SERPINB9: variants seen among roughly 807,000 people sequenced by gnomAD.
SERPINB9 encodes serpin B9.
In SERPINB9, 20 loss-of-function variants were observed where a neutral mutation model predicts 27.2. The observed-to-expected ratio is 0.74, with a 90% CI of 0.52 to 1.07. The LOEUF is 1.07. Ranked by LOEUF, SERPINB9 falls within the 50% of genes least tolerant of loss-of-function variation. The pLI is 0.00. For synonymous variants in SERPINB9, 189 were observed against 180.0 expected, an observed-to-expected ratio of 1.05 and a Z score of -0.40; for missense variants, 476 against 460.1, an observed-to-expected ratio of 1.03 and a Z score of -0.32.
Position 2,891,844 on chromosome 6 carries a change from C to A in SERPINB9, c.712G>T (p.Glu238Ter). The A allele has an allele frequency of 6.2e-7, 1 of 1,605,574 alleles. No homozygotes were observed. The highest frequency in any genetic ancestry group is 1.1e-5 in the South Asian group (1 of 90,992). The change falls in exon 6 of 7, where the codon GAG (glutamate) becomes TAG (stop). Residue 238 changes from glutamate to a stop codon, truncating the protein, a stop_gained. Transcript: ENST00000380698. LOFTEE classifies it low-confidence loss of function (END_TRUNC). This position sits in a 1 kb window ranked among gnomAD's most constrained non-coding sequence, Gnocchi z 4.0. ...LLVLLPDDGV[E>*]LSTVEKSLTF... ...AGCCCGGGTCTTACCGTGCTGAGCTCCACGCCGTCGTCAGGCAGCAGCACC... is the reference window on the plus strand; with the variant it reads ...AGCCCGGGTCTTACCGTGCTGAGCTACACGCCGTCGTCAGGCAGCAGCACC...
chr6:2,891,185 AG>A lies in SERPINB9; in HGVS notation c.724-616del, dbSNP rs1399895041. Among the ~76,000 whole-genome samples, 1 of 152,172 alleles carries A rather than the reference AG, an allele frequency of 6.6e-6. No individual in the cohort carries two copies. Among genetic ancestry groups the A allele is most frequent in the Non-Finnish European group, 1.5e-5 (1 of 68,018 alleles). On this transcript the variant is annotated intron_variant, in intron 6 of 6. Transcript: ENST00000380698. This position sits in a 1 kb window ranked among gnomAD's most constrained non-coding sequence, Gnocchi z 4.0. Reference sequence around the variant, plus strand: ...GCCATGGTTGACTCTCTCACCCTGGAGATCCATGCTGAAAGGAAGCCGAGTG... The same window carrying A: ...GCCATGGTTGACTCTCTCACCCTGGAATCCATGCTGAAAGGAAGCCGAGTG...
In SERPINB9 at chr6:2,890,590, C is replaced by CT. The variant is rs1233787114; in HGVS notation, c.724-21dup. The CT allele has an allele frequency of 5.6e-6, 9 of 1,593,222 alleles. No individual in the cohort carries two copies. Among genetic ancestry groups the CT allele is most frequent in the African/African-American group, 2.7e-5 (2 of 74,268 alleles). On this transcript the variant is annotated intron_variant, in intron 6 of 6. Coordinates refer to ENST00000380698, the MANE Select transcript of SERPINB9 (RefSeq NM_004155.6). The surrounding 1 kb of genome is among the most constrained non-coding windows in gnomAD (Gnocchi z 6.2). ...TTCCACCTGAAAGACCAGAATTAGA[C>CT]TTTAAGATTCCGACTTCAGTGCACA...
intron 2 of SERPINB9, among the ~76,000 whole-genome samples, chr6:2,898,994 T>C (rs1434247391): frequency 1.3e-5 from 2 of 152,156 alleles, no homozygotes; most frequent in Admixed American, 1.3e-4. Flanking sequence ...TTTAAAATAT[T>C]TCTGCTGCCA....
intron 3 of SERPINB9, among the ~76,000 whole-genome samples, chr6:2,895,800 A>T (rs979081804): frequency 6.9e-6 from 1 of 145,938 alleles, no homozygotes; most frequent in Non-Finnish European, 1.5e-5. Flanking sequence ...TGCAGTCTTT[A>T]AAAAAAAAAA....
chr6:2,893,221 A>ATATAATATATATATATTATATATACGT (rs1373009283), intron 5 of SERPINB9, among the ~76,000 whole-genome samples, 190 bp downstream of exon 5: 161 of 140,950 alleles, frequency 1.1e-3, no homozygotes, highest in Middle Eastern at 3.7e-3. Context: ...ACGTATATAT[A>ATATAATATATATATATTATATATACGT]ATATATATAT....
rs1417618330 is a variant in SERPINB9 at position 2,903,017 on chromosome 6, C to A, written c.-11+184G>T. On this transcript the variant is annotated intron_variant, in intron 1 of 6. Coordinates refer to ENST00000380698, the MANE Select transcript of SERPINB9 (RefSeq NM_004155.6). This position sits in a 1 kb window ranked among gnomAD's most constrained non-coding sequence, Gnocchi z 5.2. Reference sequence around the variant, plus strand: ...GGCTGTGGGCCGCCAAGGCGGAGACCGGCTGCCGCTCCCAGGCACCCCCCA... The same window carrying A: ...GGCTGTGGGCCGCCAAGGCGGAGACAGGCTGCCGCTCCCAGGCACCCCCCA... Among the ~76,000 whole-genome samples the A allele has an allele frequency of 6.6e-6, 1 of 152,188 alleles. No individual in the cohort carries two copies. The highest frequency in any genetic ancestry group is 1.9e-4 in the East Asian group (1 of 5,198).
intron 2 of SERPINB9, among the ~76,000 whole-genome samples, chr6:2,900,179 C>T (rs1050989123): frequency 2.6e-5 from 4 of 152,118 alleles, no homozygotes; most frequent in African/African-American, 9.7e-5. Flanking sequence ...AGATTCTGCG[C>T]TAGGACAAGA....
intron 1 of SERPINB9, among the ~76,000 whole-genome samples, chr6:2,902,766 C>T (rs967424613): frequency 6.6e-6 from 1 of 152,148 alleles, no homozygotes; most frequent in African/African-American, 2.4e-5. Context: ...GATCCGACCG[C>T]CTTGGCCTCC....
rs980928502 is a variant in SERPINB9 at position 2,887,644 on chromosome 6, C to T, written c.*2519G>A. The T allele has an allele frequency of 1.3e-5, 2 of 152,020 alleles. No individual in the cohort carries two copies. Among genetic ancestry groups the T allele is most frequent in the Non-Finnish European group, 2.9e-5 (2 of 68,034 alleles). 9.4% of individuals were successfully genotyped at this position (152,020 alleles called of 1,614,324 possible). ...GGCGGATCGCTTGAGGCCAGGAGTT[C>T]AAGACCAACACGGCCAATGTGGCGA... On this transcript the variant is annotated 3_prime_UTR_variant, in exon 7 of 7. Transcript: ENST00000380698.
chr6:2,890,416 A>T lies in SERPINB9; in HGVS notation c.878T>A (p.Phe293Tyr). The T allele has an allele frequency of 3.7e-6, 6 of 1,614,188 alleles. No homozygotes were observed. The highest frequency in any genetic ancestry group is 1.7e-5 in the Admixed American group (1 of 60,030). Residue 293 changes from phenylalanine (F) to tyrosine (Y), a missense_variant, in exon 7 of 7, where the codon TTC (phenylalanine) becomes TAC (tyrosine). Phe to Tyr is a conservative substitution (Grantham distance 22). Coordinates refer to ENST00000380698, the MANE Select transcript of SERPINB9 (RefSeq NM_004155.6). The surrounding 1 kb of genome is among the most constrained non-coding windows in gnomAD (Gnocchi z 6.2). ...CGACAAGTCAGCCTTGCCCTGTTGGAAGGCATCAACAATTCCCAAATGCCG... is the reference window on the plus strand; with the variant it reads ...CGACAAGTCAGCCTTGCCCTGTTGGTAGGCATCAACAATTCCCAAATGCCG... ...VLRHLGIVDA[F>Y]QQGKADLSAM...
At position 2,899,850 on chromosome 6, in the gene SERPINB9, G is replaced by A. The variant is rs116436156; in HGVS notation, c.168+594C>T. 1,781 of 441,522 alleles carry A rather than the reference G, an allele frequency of 4.0e-3. 34 individuals carry two copies. The highest frequency in any genetic ancestry group is 0.033 in the African/African-American group (1,651 of 49,496). The allele number at this position is 441,522 out of a possible 1,614,324, so 27.4% of individuals were successfully genotyped here. On this transcript the variant is annotated intron_variant, in intron 2 of 6. Transcript: ENST00000380698. Reference sequence around the variant, plus strand: ...ATGGCGCTTTTCGGTTTCATCTCACGTGTATGTCTCCTCTCCTTTCCACAA... The same window carrying A: ...ATGGCGCTTTTCGGTTTCATCTCACATGTATGTCTCCTCTCCTTTCCACAA...
Position 2,889,838 on chromosome 6 carries a change from T to C in SERPINB9, c.*325A>G, listed in dbSNP as rs1767726346. 3.8e-6 allele frequency: 1 copy of C among 263,060 alleles called. No individual in the cohort carries two copies. Among genetic ancestry groups the C allele is most frequent in the Non-Finnish European group, 7.3e-6 (1 of 137,228 alleles). 16.3% of individuals were successfully genotyped at this position (263,060 alleles called of 1,614,324 possible). A position where few individuals can be genotyped will look rare whatever the true frequency, so the allele number is the denominator to read the frequency against. ...CTGAGGCAGCGGGTTAAGGAATGTA[T>C]TCGCAGTGTCAGGAAAGCACAGGGT... On this transcript the variant is annotated 3_prime_UTR_variant, in exon 7 of 7. Transcript: ENST00000380698.
At chr6:2,900,208 C>A (rs1768148098) in intron 2 of SERPINB9, among the ~76,000 whole-genome samples, 1 of 152,008 alleles carries the variant, frequency 6.6e-6, no homozygotes, top group Non-Finnish European at 1.5e-5. Context: ...ATGGTCTTTT[C>A]CAAGGGATTA....
At chr6:2,900,965 TGAGGAGGAGAATGGGGTCAGG>T (rs1395851453) in intron 1 of SERPINB9, among the ~76,000 whole-genome samples, 3 of 151,782 alleles carry the variant, frequency 2.0e-5, no homozygotes, top group Non-Finnish European at 4.4e-5. Context: ...TCGTCCCATC[TGAGGAGGAGAATGGGGTCAGG>T]GAGGAGGAGG....
rs776661583 is a variant in SERPINB9, at chr6:2,900,583, G to C, written c.29C>G (p.Thr10Ser). ...TATCTTTAAAAGGCGTATGGCAAAA[G>C]TACCACTTGCATTAGAAAGAGTTTC... is the stretch of plus-strand genomic sequence containing the variant. METLSNASGTFAIRLLKILC... is the reference protein window; with the variant it reads METLSNASGSFAIRLLKILC... Residue 10 changes from threonine (T) to serine (S), a missense_variant, in exon 2 of 7, where the codon ACT (threonine) becomes AGT (serine). Thr to Ser is a moderately conservative substitution (Grantham distance 58). Coordinates refer to ENST00000380698, the MANE Select transcript of SERPINB9 (RefSeq NM_004155.6). 1 of 1,614,146 alleles carries C rather than the reference G, an allele frequency of 6.2e-7. No individual in the cohort carries two copies. The highest frequency in any genetic ancestry group is 8.5e-7 in the Non-Finnish European group (1 of 1,180,034).
At position 2,889,501 on chromosome 6, in the gene SERPINB9, C is replaced by G. The variant is rs1315808877; in HGVS notation, c.*662G>C. ...ACGAGGTCAGGAGATCGACACCATC[C>G]TGGCTAACACGGTGAAACCCCGTCT... is the stretch of plus-strand genomic sequence containing the variant. On this transcript the variant is annotated 3_prime_UTR_variant, in exon 7 of 7. Coordinates refer to ENST00000380698, the MANE Select transcript of SERPINB9 (RefSeq NM_004155.6). 4 of 151,970 alleles carry G rather than the reference C, an allele frequency of 2.6e-5. No individual in the cohort carries two copies. The highest frequency in any genetic ancestry group is 9.7e-5 in the African/African-American group (4 of 41,322). The allele number at this position is 151,970 out of a possible 1,614,324, so 9.4% of individuals were successfully genotyped here.
At chr6:2,899,298 AAG>A (rs1230211150) in intron 2 of SERPINB9, among the ~76,000 whole-genome samples, 1 of 152,208 alleles carries the variant, frequency 6.6e-6, no homozygotes, top group Non-Finnish European at 1.5e-5. Context: ...GAAGGCCATG[AAG>A]AGAGGGTTCT....
intron 1 of SERPINB9, 88 bp from the exon 2 acceptor site, chr6:2,900,709 CT>C: frequency 2.5e-6 from 3 of 1,184,464 alleles, no homozygotes; most frequent in Non-Finnish European, 3.6e-6. Context: ...TGGAATCGTA[CT>C]TTTTGTTTTC....
rs1362929280 is a variant in SERPINB9, at chr6:2,894,802, T to C, written c.424+589A>G. ...GTTTTTGAGACAGGCTGGAGTTCAG[T>C]GGCATGATCTCAGCTCACTACAACT... On this transcript the variant is annotated intron_variant, in intron 4 of 6. Transcript: ENST00000380698. This position sits in a 1 kb window ranked among gnomAD's most constrained non-coding sequence, Gnocchi z 4.7. Among the ~76,000 whole-genome samples, 1 of 152,192 alleles carries C rather than the reference T, an allele frequency of 6.6e-6. No homozygotes were observed. The highest frequency in any genetic ancestry group is 1.5e-5 in the Non-Finnish European group (1 of 68,040).
Sources: allele counts gnomAD v4.1 joint callset (sites outside exome capture counted in the v4.1 genomes callset), GRCh38; gene constraint gnomAD v4.1.1; non-coding constraint Gnocchi (gnomAD v3.1); transcripts MANE v1.5; gene names NCBI Gene and HGNC (gene_info 2026-07-23, HGNC 2026-07-21).